PEX10: variants seen among roughly 807,000 people sequenced by gnomAD.
PEX10 encodes the protein peroxisome biogenesis factor 10.
A neutral mutation model predicts 38.0 loss-of-function variants in PEX10; 32 were observed. That is an observed-to-expected ratio of 0.84 (90% confidence interval 0.63 to 1.13). PEX10 has a LOEUF of 1.13. Among genes scored for constraint, PEX10 ranks in the 50% most tolerant of loss-of-function variants. The pLI is 0.00. For missense variants in PEX10, 483 were observed against 457.7 expected, an observed-to-expected ratio of 1.06 and a Z score of -0.51; for synonymous variants, 206 against 207.3, an observed-to-expected ratio of 0.99 and a Z score of 0.05.
At chr1:2,411,502 G>T (rs957266519) in intron 1 of PEX10, among the ~76,000 whole-genome samples, 1 of 151,756 alleles carries the variant, frequency 6.6e-6, no homozygotes, top group Admixed American at 6.6e-5. Context: ...CAAAGTGCTG[G>T]GATTACAGGC....
At chr1:2,406,096 C>T (rs1642993262) in intron 5 of PEX10, among the ~76,000 whole-genome samples, 1 of 152,148 alleles carries the variant, frequency 6.6e-6, no homozygotes, top group Non-Finnish European at 1.5e-5. Context: ...TGACACAGCC[C>T]ACGAAGCCCA....
chr1:2,412,354 C>T, intron 1 of PEX10, 37 bp downstream of exon 1: 1 of 1,350,018 alleles, frequency 7.4e-7, no homozygotes, highest in Non-Finnish European at 9.5e-7. Context: ...ACCCCCTGGG[C>T]CGCTCGCGAG....
At position 2,410,042 on chromosome 1, in the gene PEX10, C is replaced by T. The variant is rs562078651; in HGVS notation, c.193+329G>A. The T allele has an allele frequency of 8.1e-6, 3 of 368,456 alleles. No homozygotes were observed. Among genetic ancestry groups the T allele is most frequent in the Middle Eastern group, 8.8e-4 (1 of 1,130 alleles). The allele number at this position is 368,456 out of a possible 1,614,324, so 22.8% of individuals were successfully genotyped here. A position where few individuals can be genotyped will look rare whatever the true frequency, so the allele number is the denominator to read the frequency against. Reference sequence around the variant, plus strand: ...CACCACTGCTCCACCAGGGCACTGTCACACGGGCACTGCACCCTATGACAT... The same window carrying T: ...CACCACTGCTCCACCAGGGCACTGTTACACGGGCACTGCACCCTATGACAT... On this transcript the variant is annotated intron_variant, in intron 2 of 5. Transcript: ENST00000447513. This position sits in a 1 kb window ranked among gnomAD's most constrained non-coding sequence, Gnocchi z 5.1.
At chr1:2,411,089 T>C (rs1003735753) in intron 1 of PEX10, among the ~76,000 whole-genome samples, 7 of 152,154 alleles carry the variant, frequency 4.6e-5, no homozygotes, top group African/African-American at 1.7e-4. Context: ...ACCCATGCTC[T>C]TCCTGTCCCA....
At chr1:2,413,675 G>T, upstream of PEX10, 1 of 152,516 alleles carries the variant, frequency 6.6e-6, no homozygotes, top group Non-Finnish European at 1.5e-5. Context: ...GGAGAGTCCT[G>T]CAGGATTGCA....
intron 3 of PEX10, among the ~76,000 whole-genome samples, chr1:2,407,828 T>C (rs1209848251): frequency 6.6e-6 from 1 of 152,082 alleles, no homozygotes; most frequent in East Asian, 1.9e-4. Context: ...GCTCATGCAG[T>C]AGTGGCTCTG....
chr1:2,412,355 C>T, intron 1 of PEX10, 36 bp downstream of exon 1: 8 of 1,350,044 alleles, frequency 5.9e-6, no homozygotes, highest in Non-Finnish European at 6.6e-6. Context: ...CCCCCTGGGC[C>T]GCTCGCGAGG....
In PEX10 at chr1:2,405,653, A is replaced by T. The variant is rs543635075; in HGVS notation, c.*113T>A. On this transcript the variant is annotated 3_prime_UTR_variant, in exon 6 of 6. Transcript: ENST00000447513. ...TGGCTAGGTTAGTATCTTACATGAC[A>T]AAAAACTGAGAGTGTTCTAACTTCT... 9.0e-6 allele frequency: 9 copies of T among 1,000,082 alleles called. No homozygotes were observed. In the East Asian group the frequency reaches 1.0e-4, roughly 12 times the overall value. 62.0% of individuals were successfully genotyped at this position (1,000,082 alleles called of 1,614,324 possible).
intron 1 of PEX10, 85 bp downstream of exon 1, chr1:2,412,306 C>T: frequency 7.9e-7 from 1 of 1,273,244 alleles, no homozygotes; most frequent in East Asian, 3.3e-5. Flanking sequence ...GCGACCGTGA[C>T]CACACACGGC....
chr1:2,406,911 C>T lies in PEX10; in HGVS notation c.601-16G>A, dbSNP rs554294948. 61 of 1,605,488 alleles carry T rather than the reference C, an allele frequency of 3.8e-5. No homozygotes were observed. The highest frequency in any genetic ancestry group is 6.7e-5 in the African/African-American group (5 of 74,768). On this transcript the variant is annotated splice_polypyrimidine_tract_variant and intron_variant, in intron 3 of 5. Coordinates refer to ENST00000447513, the MANE Select transcript of PEX10 (RefSeq NM_002617.4). ...GGACACGGAGCTGTAAGGCAGATGG[C>T]GCCACACTCATCAGGACCCTGAGGG...
In PEX10 at chr1:2,412,392, C is replaced by T; in HGVS notation, c.111G>A (p.Ala37=). 1 of 1,390,852 alleles carries T rather than the reference C, an allele frequency of 7.2e-7. No individual in the cohort carries two copies. Among genetic ancestry groups the T allele is most frequent in the Non-Finnish European group, 9.3e-7 (1 of 1,077,852 alleles). The allele number at this position is 1,390,852 out of a possible 1,614,324, so 86.2% of individuals were successfully genotyped here. A position where few individuals can be genotyped will look rare whatever the true frequency, so the allele number is the denominator to read the frequency against. Residue 37 remains alanine, a splice_region_variant and synonymous_variant, in exon 1 of 6, where the codon GCG becomes GCA. Coordinates refer to ENST00000447513, the MANE Select transcript of PEX10 (RefSeq NM_002617.4). ...CGTCCGGCCGCGCCCGGCCCTCACC[C>T]GCCAGGCTGTGCAGGGCGCCGCCCG... ...SAAGGALHSL[A]GARKWLEWRK...
Position 2,410,533 on chromosome 1 carries a change from C to G in PEX10, c.113-82G>C. ...GGGACCACAGTCCTCCCCCAGTTGT[C>G]TAGGCCCAGATCCAGTCCCACCCCT... On this transcript the variant is annotated intron_variant, in intron 1 of 5. Transcript: ENST00000447513. This position sits in a 1 kb window ranked among gnomAD's most constrained non-coding sequence, Gnocchi z 5.1. 8.1e-7 allele frequency: 1 copy of G among 1,241,690 alleles called. No individual in the cohort carries two copies. Among genetic ancestry groups the G allele is most frequent in the East Asian group, 2.4e-5 (1 of 40,838 alleles). 76.9% of individuals were successfully genotyped at this position (1,241,690 alleles called of 1,614,324 possible).
chr1:2,408,919 G>A (rs375846571), intron 2 of PEX10, 61 bp from the exon 3 acceptor site: 10 of 1,558,290 alleles, frequency 6.4e-6, no homozygotes, highest in Non-Finnish European at 8.8e-6. Context: ...CAGGCTCCCG[G>A]CGCCCCTGCC....
chr1:2,412,260 G>A, intron 1 of PEX10, 131 bp downstream of exon 1: 1 of 1,232,224 alleles, frequency 8.1e-7, no homozygotes, highest in Non-Finnish European at 1.0e-6. Context: ...GCAGGCGAAG[G>A]AGACTGCCGG....
Position 2,410,995 on chromosome 1 carries a change from C to G in PEX10, c.113-544G>C. The G allele has an allele frequency of 2.5e-6, 1 of 406,850 alleles. No individual in the cohort carries two copies. The highest frequency in any genetic ancestry group is 7.2e-5 in the East Asian group (1 of 13,950). 25.2% of individuals were successfully genotyped at this position (406,850 alleles called of 1,614,324 possible). On this transcript the variant is annotated intron_variant, in intron 1 of 5. Coordinates refer to ENST00000447513, the MANE Select transcript of PEX10 (RefSeq NM_002617.4). The surrounding 1 kb of genome is among the most constrained non-coding windows in gnomAD (Gnocchi z 5.1). The stretch of plus-strand genomic sequence containing the variant: ...CACACAAAAAATTCTCATCATGTCA[C>G]TCTCCTGTTCAGAATCCACCAATGG...
In PEX10 at chr1:2,406,474, C is replaced by T; in HGVS notation, c.912+10G>A. 6.2e-7 allele frequency: 1 copy of T among 1,610,796 alleles called. No homozygotes were observed. Among genetic ancestry groups the T allele is most frequent in the Non-Finnish European group, 8.5e-7 (1 of 1,179,954 alleles). Reference sequence around the variant, plus strand: ...GACCACCCCAGGACGGCAGCAGGCTCCCACCTCACCTTGCTGCTGCACCAC... The same window carrying T: ...GACCACCCCAGGACGGCAGCAGGCTTCCACCTCACCTTGCTGCTGCACCAC... On this transcript the variant is annotated intron_variant, in intron 5 of 5. Coordinates refer to ENST00000447513, the MANE Select transcript of PEX10 (RefSeq NM_002617.4).
intron 5 of PEX10, 30 bp downstream of exon 5, chr1:2,406,454 C>G: frequency 6.2e-7 from 1 of 1,608,024 alleles, no homozygotes; most frequent in Non-Finnish European, 8.5e-7. Context: ...CCGCTGACCA[C>G]CCCAGGACGG....
At chr1:2,411,628 C>G (rs1368681662) in intron 1 of PEX10, among the ~76,000 whole-genome samples, 2 of 152,100 alleles carry the variant, frequency 1.3e-5, no homozygotes, top group Non-Finnish European at 2.9e-5. Flanking sequence ...CAGCCTCATC[C>G]CTCGGGCTCA....
rs957271960 is a variant in PEX10, at chr1:2,404,813, C to T, written c.*953G>A. On this transcript the variant is annotated 3_prime_UTR_variant, in exon 6 of 6. Coordinates refer to ENST00000447513, the MANE Select transcript of PEX10 (RefSeq NM_002617.4). ...AGTTCCATCTTGTGTTAGTAACGTA[C>T]CCACATTTTGCTGGAGTTAGTTTAT... 6.6e-6 allele frequency: 1 copy of T among 152,494 alleles called. No individual in the cohort carries two copies. Among genetic ancestry groups the T allele is most frequent in the Admixed American group, 6.5e-5 (1 of 15,290 alleles). 9.4% of individuals were successfully genotyped at this position (152,494 alleles called of 1,614,324 possible).
Sources: gnomAD v4.1 joint callset for allele counts (sites outside exome capture counted in the v4.1 genomes callset) on GRCh38, gnomAD v4.1.1 for gene constraint, Gnocchi (gnomAD v3.1) non-coding constraint, MANE v1.5 for transcripts, NCBI Gene and HGNC (gene_info 2026-07-23, HGNC 2026-07-21) for gene names.